MYRFL: variants seen among roughly 807,000 people sequenced by gnomAD.
The protein encoded by MYRFL is myelin regulatory factor like.
A neutral mutation model predicts 109.4 loss-of-function variants in MYRFL; 88 were observed. The observed-to-expected ratio is 0.80, with a 90% confidence interval of 0.68 to 0.96. The LOEUF is 0.96. MYRFL is among the 40% of genes least tolerant of loss of function. The pLI is 0.00. For synonymous variants in MYRFL, 324 were observed against 320.9 expected (o/e 1.01, Z -0.10); for missense variants, 957 against 954.9 (o/e 1.00, Z -0.03).
intron 4 of MYRFL, 128 bp from the exon 5 acceptor site, chr12:69,880,073 G>C: frequency 1.7e-6 from 1 of 591,736 alleles, no homozygotes; most frequent in Non-Finnish European, 3.0e-6. Context: ...GCCTAGTAGG[G>C]CTCAAGGAAC....
chr12:69,911,342 A>G (rs1037117982), intron 13 of MYRFL, among the ~76,000 whole-genome samples: 3 of 152,240 alleles, frequency 2.0e-5, no homozygotes, highest in African/African-American at 7.2e-5. Flanking sequence ...TGCAACTTAA[A>G]TTATAATTAC....
At position 69,958,263 on chromosome 12, in the gene MYRFL, T is replaced by C; in HGVS notation, c.2586T>C (p.Ile862=). 1 of 1,536,374 alleles carries C rather than the reference T, an allele frequency of 6.5e-7. No individual in the cohort carries two copies. Among genetic ancestry groups the C allele is most frequent in the Non-Finnish European group, 8.7e-7 (1 of 1,146,852 alleles). The change falls in exon 24 of 25, where the codon ATT becomes ATC. Residue 862 remains isoleucine, a synonymous_variant. Transcript: ENST00000552032. ...TCACTATTTAGGGATATCAGCACAT[T>C]TGGAGCCTCCCTGTAGCCCCATTTT... is the stretch of plus-strand genomic sequence containing the variant. ...SQEMTQGYQH[I]WSLPVAPFSD... is the part of the protein sequence containing the mutation.
chr12:69,897,185 C>T lies in MYRFL; in HGVS notation c.1121C>T (p.Ala374Val), dbSNP rs751743677. 5 of 1,535,784 alleles carry T rather than the reference C, an allele frequency of 3.3e-6. No homozygotes were observed. Among genetic ancestry groups the T allele is most frequent in the Non-Finnish European group, 4.4e-6 (5 of 1,146,646 alleles). The stretch of plus-strand genomic sequence containing the variant: ...TTCATGTTGGTGGTTGGACTGTATG[C>T]TGCTAACCAAGACCAGTTCTATCTG... The part of the protein sequence containing the change: ...RYFMLVVGLY[A>V]ANQDQFYLLS... Residue 374 changes from alanine (A) to valine (V), a missense_variant, in exon 10 of 25, where the codon GCT becomes GTT. Physicochemically the swap from Ala to Val is moderately conservative, Grantham distance 64 (BLOSUM62 0). Transcript: ENST00000552032.
At chr12:69,910,997 G>T in intron 13 of MYRFL, 67 bp downstream of exon 13, 1 of 1,092,274 alleles carries the variant, frequency 9.2e-7, no homozygotes. Flanking sequence ...TTCTGTGATA[G>T]CACAATGGGC....
chr12:69,880,545 G>A (rs1214977189), intron 5 of MYRFL, among the ~76,000 whole-genome samples: 1 of 152,208 alleles, frequency 6.6e-6, no homozygotes, highest in Non-Finnish European at 1.5e-5. Context: ...TTTCAGGGAC[G>A]ATGTGTCTCA....
intron 19 of MYRFL, among the ~76,000 whole-genome samples, chr12:69,938,076 T>A (rs900910109): frequency 3.9e-5 from 6 of 152,210 alleles, no homozygotes; most frequent in Non-Finnish European, 8.8e-5. Context: ...TATTTTTGAT[T>A]GAACTTAGGA....
chr12:69,926,610 C>T lies in MYRFL; in HGVS notation c.1642C>T (p.Leu548=). Residue 548 remains leucine (L), a synonymous_variant, in exon 14 of 25, where the codon CTG becomes TTG. Transcript: ENST00000552032. ...FMENVGAVKQ[L]CKLTNNLEER... ...GGAAAATGTAGGTGCAGTGAAGCAA[C>T]TGTGCAAACTAACTAACAACCTTGA... 2 of 1,523,638 alleles carry T rather than the reference C, an allele frequency of 1.3e-6. No homozygotes were observed. The highest frequency in any genetic ancestry group is 1.8e-6 in the Non-Finnish European group (2 of 1,141,056). 94.4% of individuals were successfully genotyped at this position (1,523,638 alleles called of 1,614,324 possible).
intron 1 of MYRFL, among the ~76,000 whole-genome samples, chr12:69,826,779 G>A (rs1882304872): frequency 1.3e-5 from 2 of 151,946 alleles, no homozygotes; most frequent in Non-Finnish European, 2.9e-5. Context: ...TAAAATGAAG[G>A]CACTAGCTTA....
Position 69,943,201 on chromosome 12 carries a change from C to T in MYRFL, c.2224+6569C>T, listed in dbSNP as rs546075702. On this transcript the variant is annotated intron_variant, in intron 19 of 24. Coordinates refer to ENST00000552032, the MANE Select transcript of MYRFL (RefSeq NM_182530.3). ...AAACTACTTTAAAGTTCATATGGAA[C>T]GAAAAAACAGCCCGCATCGCCAAGT... Among the ~76,000 whole-genome samples, 103 of 151,832 alleles carry T rather than the reference C, an allele frequency of 6.8e-4. 1 individual carries two copies. The highest frequency in any genetic ancestry group is 9.7e-4 in the Non-Finnish European group (66 of 68,020).
chr12:69,922,676 CTCT>C (rs1954951396), intron 13 of MYRFL, among the ~76,000 whole-genome samples: 1 of 152,036 alleles, frequency 6.6e-6, no homozygotes, highest in Non-Finnish European at 1.5e-5. Flanking sequence ...GAAAAATGAC[CTCT>C]TAAAACCAGA....
chr12:69,895,466 C>CA lies in MYRFL; in HGVS notation c.1079dup (p.Asn360LysfsTer17). The stretch of plus-strand genomic sequence containing the variant: ...AATAATATGAGAAAAAAGGGAAAAC[C>CA]AAATCCAGACCAGAGGTACTGATGT... On this transcript the variant is annotated frameshift_variant, in exon 9 of 25. Transcript: ENST00000552032. LOFTEE classifies it high-confidence loss of function. 6.5e-7 allele frequency: 1 copy of CA among 1,535,480 alleles called. No homozygotes were observed.
chr12:69,909,345 C>A (rs1460080397), intron 11 of MYRFL, among the ~76,000 whole-genome samples: 5 of 152,134 alleles, frequency 3.3e-5, no homozygotes, highest in Non-Finnish European at 5.9e-5. Flanking sequence ...GAGCTGAGGG[C>A]CATGACAGTG....
chr12:69,873,257 A>G (rs970652767), intron 2 of MYRFL, among the ~76,000 whole-genome samples: 6 of 152,190 alleles, frequency 3.9e-5, no homozygotes, highest in African/African-American at 1.2e-4. Flanking sequence ...AAACCAAAAA[A>G]AAATCAGAAA....
At chr12:69,863,722 A>G (rs980216499) in intron 2 of MYRFL, among the ~76,000 whole-genome samples, 11 of 152,242 alleles carry the variant, frequency 7.2e-5, no homozygotes, top group African/African-American at 2.4e-4. Context: ...CATTGACCCA[A>G]GCATTTCCCA....
chr12:69,907,014 A>G (rs1954383875), intron 11 of MYRFL, among the ~76,000 whole-genome samples: 1 of 152,202 alleles, frequency 6.6e-6, no homozygotes, highest in Non-Finnish European at 1.5e-5. Context: ...TTCTTACTCA[A>G]CAGGCATTGA....
At chr12:69,868,899 C>T (rs574999884) in intron 2 of MYRFL, among the ~76,000 whole-genome samples, 28 of 151,956 alleles carry the variant, frequency 1.8e-4, no homozygotes, top group African/African-American at 2.4e-4. Flanking sequence ...CACACACGTA[C>T]GCACACGCGC....
intron 1 of MYRFL, among the ~76,000 whole-genome samples, chr12:69,833,263 G>T (rs1165209668): frequency 1.3e-5 from 2 of 152,084 alleles, no homozygotes; most frequent in Admixed American, 1.3e-4. Flanking sequence ...TAGTGAGGTA[G>T]GAGGGAAACC....
chr12:69,932,835 C>CT (rs1467834560), intron 16 of MYRFL, among the ~76,000 whole-genome samples: 2 of 150,344 alleles, frequency 1.3e-5, no homozygotes, highest in African/African-American at 4.9e-5. Flanking sequence ...CAATTAACTG[C>CT]TATGTTTAGC....
intron 1 of MYRFL, among the ~76,000 whole-genome samples, chr12:69,833,211 A>C (rs528690160): frequency 6.6e-6 from 1 of 152,292 alleles, no homozygotes; most frequent in South Asian, 2.1e-4. Context: ...GTCCCAGATC[A>C]CATTTTGGGA....
Sources: allele counts gnomAD v4.1 joint callset (sites outside exome capture counted in the v4.1 genomes callset), GRCh38; gene constraint gnomAD v4.1.1; transcripts MANE v1.5; gene names NCBI Gene and HGNC (gene_info 2026-07-23, HGNC 2026-07-21).